GFOD1: variants seen among roughly 807,000 people sequenced by gnomAD.
GFOD1 encodes the protein Gfo/Idh/MocA-like oxidoreductase domain containing 1.
Under a neutral mutation model 25.4 loss-of-function variants are expected in GFOD1, and 9 were observed. The ratio of observed to expected loss-of-function variants is 0.35; its 90% CI spans 0.21 to 0.62. The LOEUF is 0.62. Among genes scored for constraint, GFOD1 ranks in the 20% least tolerant of loss-of-function variants. The pLI is 0.72. For missense variants in GFOD1, 403 were observed against 556.9 expected (o/e 0.72, Z 2.78); for synonymous variants, 253 against 245.6 (o/e 1.03, Z -0.28).
chr6:13,406,952 G>A (rs1435235050), intron 1 of GFOD1, among the ~76,000 whole-genome samples: 1 of 152,300 alleles, frequency 6.6e-6, no homozygotes, highest in East Asian at 1.9e-4. Flanking sequence ...TGGTTGCCAA[G>A]AATAAAAAAC....
At chr6:13,469,004 C>T (rs1469564461) in intron 1 of GFOD1, among the ~76,000 whole-genome samples, 1 of 152,206 alleles carries the variant, frequency 6.6e-6, no homozygotes, top group South Asian at 2.1e-4. Context: ...CCAGGTCATT[C>T]GTGGAATTCA....
chr6:13,450,106 C>G (rs1185575862), intron 1 of GFOD1, among the ~76,000 whole-genome samples: 1 of 152,134 alleles, frequency 6.6e-6, no homozygotes, highest in Non-Finnish European at 1.5e-5. Flanking sequence ...CCTCCATATT[C>G]CAGAATGTCA....
intron 1 of GFOD1, chr6:13,469,155 C>G (rs971773074): frequency 1.0e-4 from 80 of 774,486 alleles, no homozygotes; most frequent in South Asian, 6.4e-4. Flanking sequence ...TTATGGCCCT[C>G]CAGAACAGTA....
intron 1 of GFOD1, among the ~76,000 whole-genome samples, chr6:13,477,321 G>GGGCAGGCA (rs1231007195): frequency 6.6e-6 from 1 of 151,604 alleles, no homozygotes; most frequent in Non-Finnish European, 1.5e-5. Context: ...AAAATGTGCA[G>GGGCAGGCA]GGCAGGCAGG....
chr6:13,442,191 TGCTTATGTTAATTA>T (rs1757928845), intron 1 of GFOD1, among the ~76,000 whole-genome samples: 1 of 152,278 alleles, frequency 6.6e-6, no homozygotes, highest in Non-Finnish European at 1.5e-5. Context: ...TGTGAGGTAC[TGCTTATGTTAATTA>T]GCTTGACTTA....
At chr6:13,411,919 C>T (rs1024128403) in intron 1 of GFOD1, among the ~76,000 whole-genome samples, 4 of 152,240 alleles carry the variant, frequency 2.6e-5, no homozygotes, top group African/African-American at 9.6e-5. Context: ...ACTTCTTGCT[C>T]TGCCTCTTTT....
At chr6:13,388,250 T>C (rs576663610) in intron 1 of GFOD1, among the ~76,000 whole-genome samples, 1 of 152,290 alleles carries the variant, frequency 6.6e-6, no homozygotes, top group East Asian at 1.9e-4. Flanking sequence ...CTTCACAGGA[T>C]TGGAAAAAAC....
At chr6:13,486,138 C>T (rs1758860083) in intron 1 of GFOD1, 3 of 988,236 alleles carry the variant, frequency 3.0e-6, no homozygotes, top group South Asian at 4.6e-5. Context: ...GGTCCTCTAT[C>T]GCACCCAAGA....
chr6:13,386,060 CTTT>C (rs5874414), intron 1 of GFOD1, among the ~76,000 whole-genome samples: 17 of 127,992 alleles, frequency 1.3e-4, no homozygotes, highest in Admixed American at 1.6e-4. Flanking sequence ...TGGGTAATTC[CTTT>C]TTTTTTTTTT....
At chr6:13,485,400 C>T (rs982874245) in intron 1 of GFOD1, among the ~76,000 whole-genome samples, 1 of 152,214 alleles carries the variant, frequency 6.6e-6, no homozygotes, top group Non-Finnish European at 1.5e-5. Flanking sequence ...TGTCTCTGTT[C>T]CTTCGCAGCT....
At chr6:13,468,555 C>T (rs1342809143) in intron 1 of GFOD1, among the ~76,000 whole-genome samples, 2 of 152,180 alleles carry the variant, frequency 1.3e-5, no homozygotes, top group Non-Finnish European at 1.5e-5. Context: ...AAGCACAGTT[C>T]CCCAGTGATT....
At chr6:13,381,798 C>T (rs973856779) in intron 1 of GFOD1, among the ~76,000 whole-genome samples, 3 of 151,494 alleles carry the variant, frequency 2.0e-5, no homozygotes, top group African/African-American at 7.3e-5. Flanking sequence ...CTCCCCCAAG[C>T]CCTCAGCCAC....
chr6:13,460,102 C>T (rs1758266146), intron 1 of GFOD1, among the ~76,000 whole-genome samples: 1 of 152,164 alleles, frequency 6.6e-6, no homozygotes, highest in Non-Finnish European at 1.5e-5. Context: ...CCACTGCACT[C>T]CAGCTTGGGA....
chr6:13,408,646 G>T (rs551468310), intron 1 of GFOD1, among the ~76,000 whole-genome samples: 2 of 152,164 alleles, frequency 1.3e-5, no homozygotes, highest in African/African-American at 4.8e-5. Context: ...TACCTTTAGC[G>T]ATTTCATGTC....
At chr6:13,376,741 C>T (rs565472109) in intron 1 of GFOD1, among the ~76,000 whole-genome samples, 1 of 152,192 alleles carries the variant, frequency 6.6e-6, no homozygotes, top group East Asian at 1.9e-4. Context: ...TATGCTTTCT[C>T]TTCCCAAGCA....
chr6:13,386,684 T>A (rs1785482700), intron 1 of GFOD1, among the ~76,000 whole-genome samples: 1 of 152,148 alleles, frequency 6.6e-6, no homozygotes, highest in Admixed American at 6.5e-5. Context: ...AGAGGCTGAA[T>A]AATCAGCATA....
At position 13,365,098 on chromosome 6, in the gene GFOD1, G is replaced by A. The variant is rs552590164; in HGVS notation, c.818C>T (p.Pro273Leu). ...GTCCTGCACCAGCAGCTCCTGCTCC[G>A]GGGCGCTGTTGCGCTGCCCGTACAG... ...TDLYGQRNSA[P>L]EQELLVQDAT... is the part of the protein sequence containing the mutation. Residue 273 changes from proline to leucine, a missense_variant, in exon 2 of 2, where the codon CCG (proline) becomes CTG (leucine). Pro to Leu is a moderately conservative substitution (Grantham distance 98, BLOSUM62 -3). Coordinates refer to ENST00000379287, the MANE Select transcript of GFOD1 (RefSeq NM_018988.4). This position sits in a 1 kb window ranked among gnomAD's most constrained non-coding sequence, Gnocchi z 9.2. 2.5e-6 allele frequency: 4 copies of A among 1,612,388 alleles called. No individual in the cohort carries two copies. In the African/African-American group the frequency reaches 4.0e-5, roughly 16 times the overall value.
At chr6:13,447,980 G>T (rs1758034239) in intron 1 of GFOD1, among the ~76,000 whole-genome samples, 1 of 150,458 alleles carries the variant, frequency 6.6e-6, no homozygotes, top group Non-Finnish European at 1.5e-5. Flanking sequence ...GAGAATGGAG[G>T]TGGTAGAATT....
chr6:13,455,387 T>G (rs964282108), intron 1 of GFOD1, among the ~76,000 whole-genome samples: 1 of 152,202 alleles, frequency 6.6e-6, no homozygotes, highest in Non-Finnish European at 1.5e-5. Context: ...CTGTGGGGAA[T>G]GGTCCCCAGC....
Sources: allele counts gnomAD v4.1 joint callset (sites outside exome capture counted in the v4.1 genomes callset), GRCh38; gene constraint gnomAD v4.1.1; non-coding constraint Gnocchi (gnomAD v3.1); transcripts MANE v1.5; gene names NCBI Gene and HGNC (gene_info 2026-07-23, HGNC 2026-07-21).